Variants in SPATA22 observed in about 807,000 individuals in gnomAD.
SPATA22 encodes spermatogenesis-associated protein 22.
SPATA22 carries 29 observed loss-of-function variants against 47.8 expected under a neutral mutation model. That is an observed-to-expected ratio of 0.61 (90% CI 0.45 to 0.83). The LOEUF (loss-of-function observed/expected upper bound fraction) is 0.83, where lower values mean the gene tolerates loss of function less well. SPATA22 is among the 40% of genes least tolerant of loss of function. The pLI is 0.00. For missense variants in SPATA22, 410 were observed against 421.7 expected, an observed-to-expected ratio of 0.97 and a Z score of 0.24; for synonymous variants, 133 against 140.9, an observed-to-expected ratio of 0.94 and a Z score of 0.40.
At chr17:3,477,012 G>A (rs1395656755) in intron 1 of SPATA22, among the ~76,000 whole-genome samples, 2 of 152,060 alleles carry the variant, frequency 1.3e-5, no homozygotes, top group Admixed American at 1.3e-4. Flanking sequence ...AAAATTAGCC[G>A]GGCGTAGTGG....
rs1394794641 is a variant in SPATA22, at chr17:3,490,034, G to T, written c.-73-20636C>A. Among the ~76,000 whole-genome samples the T allele has an allele frequency of 6.6e-6, 1 of 152,176 alleles. No homozygotes were observed. The highest frequency in any genetic ancestry group is 1.5e-5 in the Non-Finnish European group (1 of 68,022). On this transcript the variant is annotated intron_variant, in intron 1 of 8. Coordinates refer to the SPATA22 transcript ENST00000541913. The surrounding 1 kb of genome is among the most constrained non-coding windows in gnomAD (Gnocchi z 4.6). Reference sequence around the variant, plus strand: ...GGTAATTAGCAGAAAGCAAGTTGCAGACCAAGACATTCAGTACACCAATTG... The same window carrying T: ...GGTAATTAGCAGAAAGCAAGTTGCATACCAAGACATTCAGTACACCAATTG...
chr17:3,483,541 C>A, intron 1 of SPATA22: 1 of 1,614,120 alleles, frequency 6.2e-7, no homozygotes, highest in Non-Finnish European at 8.5e-7. Context: ...TCTGATTGAG[C>A]ATCCTTCCCT....
intron 1 of SPATA22, chr17:3,499,331 C>T (rs1194553823): frequency 8.8e-6 from 3 of 341,778 alleles, no homozygotes; most frequent in African/African-American, 6.3e-5. Flanking sequence ...ATACATGATA[C>T]TTGGGTAGCT....
At chr17:3,483,554 A>T in intron 1 of SPATA22, 2 of 1,614,116 alleles carry the variant, frequency 1.2e-6, no homozygotes, top group Non-Finnish European at 1.7e-6. Flanking sequence ...CCTTCCCTCA[A>T]ATATGCGACC....
chr17:3,453,802 A>G (rs1004377373), intron 5 of SPATA22, among the ~76,000 whole-genome samples: 6 of 152,186 alleles, frequency 3.9e-5, no homozygotes, highest in Non-Finnish European at 7.4e-5. Flanking sequence ...TCCAAACTAC[A>G]AAAAAATCTG....
chr17:3,497,316 G>A (rs985767148), intron 1 of SPATA22, among the ~76,000 whole-genome samples: 12 of 152,262 alleles, frequency 7.9e-5, no homozygotes, highest in African/African-American at 1.7e-4. Context: ...GTTCTCAGCC[G>A]AGCCACCCTG....
chr17:3,497,137 C>T (rs1171547844), intron 1 of SPATA22, among the ~76,000 whole-genome samples: 1 of 151,966 alleles, frequency 6.6e-6, no homozygotes, highest in African/African-American at 2.4e-5. Context: ...AGGGTGTAGA[C>T]AGGGAATCAA....
chr17:3,512,691 A>G (rs1002964894), intron 1 of SPATA22: 1 of 152,270 alleles, frequency 6.6e-6, no homozygotes, highest in East Asian at 1.9e-4. Flanking sequence ...TGCCCCCCAG[A>G]CTGACTCCGT....
At chr17:3,442,113 G>A (rs888017214) in intron 8 of SPATA22, among the ~76,000 whole-genome samples, 1 of 151,866 alleles carries the variant, frequency 6.6e-6, no homozygotes, top group Admixed American at 6.6e-5. Context: ...GTACAGTTAT[G>A]ATTTTTATAC....
chr17:3,481,753 G>A (rs763378875), intron 1 of SPATA22: 13 of 1,612,738 alleles, frequency 8.1e-6, no homozygotes, highest in Admixed American at 6.7e-5. Context: ...TTATTCTTGA[G>A]GATTCCAGGA....
chr17:3,502,282 A>G (rs1203671710), intron 1 of SPATA22: 1 of 152,244 alleles, frequency 6.6e-6, no homozygotes, highest in Non-Finnish European at 1.5e-5. Context: ...TTAACATACT[A>G]CATATAGTGT....
At chr17:3,476,161 T>C (rs1057516879), upstream of SPATA22, 4 of 1,613,106 alleles carry the variant, frequency 2.5e-6, no homozygotes, top group Admixed American at 1.7e-5. Context: ...CTTGGTGAAA[T>C]GACTTCTTGT....
chr17:3,454,901 T>A (rs1444650291), intron 5 of SPATA22, among the ~76,000 whole-genome samples: 1 of 152,096 alleles, frequency 6.6e-6, no homozygotes, highest in Non-Finnish European at 1.5e-5. Flanking sequence ...GTTGAACTAG[T>A]TTACAGTCCC....
chr17:3,509,889 T>C (rs945485148), intron 1 of SPATA22, among the ~76,000 whole-genome samples: 32 of 152,308 alleles, frequency 2.1e-4, no homozygotes, highest in African/African-American at 7.2e-4. Context: ...CTCACTGTGG[T>C]TTTGATTTGC....
chr17:3,462,438 A>G, intron 5 of SPATA22, 45 bp downstream of exon 5: 1 of 1,339,694 alleles, frequency 7.5e-7, no homozygotes. Context: ...GAAGACAGGA[A>G]AATGAGAAGG....
Position 3,443,221 on chromosome 17 carries a change from GA to G in SPATA22, c.852del (p.Met286Ter), listed in dbSNP as rs1484279346. On this transcript the variant is annotated frameshift_variant, in exon 8 of 9. Coordinates refer to ENST00000572969, the MANE Select transcript of SPATA22 (RefSeq NM_001170698.2). LOFTEE classifies it high-confidence loss of function. The part of the protein sequence containing the change: ...VTPGPYYSKT[F>X]LMRDGKNTLP... The stretch of plus-strand genomic sequence containing the variant: ...AGAGTATTTTTCCCATCCCTCATAA[GA>G]AAAGTCTTCGAATAATATGGGCCAG... The G allele has an allele frequency of 1.2e-6, 2 of 1,610,656 alleles. No individual in the cohort carries two copies. The highest frequency in any genetic ancestry group is 8.5e-7 in the Non-Finnish European group (1 of 1,178,110).
At chr17:3,464,234 G>A (rs913387512) in intron 3 of SPATA22, among the ~76,000 whole-genome samples, 21 of 151,780 alleles carry the variant, frequency 1.4e-4, no homozygotes, top group Non-Finnish European at 2.4e-4. Context: ...CGCCAGCCTC[G>A]GCCTCCGGAG....
At chr17:3,464,551 C>G (rs886272422) in intron 3 of SPATA22, among the ~76,000 whole-genome samples, 2 of 138,632 alleles carry the variant, frequency 1.4e-5, no homozygotes, top group African/African-American at 5.1e-5. Flanking sequence ...CTCTTCCCGG[C>G]CGCCATCCCA....
intron 3 of SPATA22, among the ~76,000 whole-genome samples, chr17:3,465,235 G>A (rs1192291735): frequency 4.2e-5 from 6 of 143,294 alleles, no homozygotes; most frequent in African/African-American, 1.5e-4. Context: ...CTACTGGGAA[G>A]TGAGGAGCCC....
Sources: allele counts gnomAD v4.1 joint callset (sites outside exome capture counted in the v4.1 genomes callset), GRCh38; gene constraint gnomAD v4.1.1; non-coding constraint Gnocchi (gnomAD v3.1); transcripts MANE v1.5; gene names NCBI Gene and HGNC (gene_info 2026-07-23, HGNC 2026-07-21).